Variants in C1orf141 observed in about 807,000 individuals in gnomAD.
C1orf141 encodes the protein uncharacterized protein C1orf141.
In C1orf141, 19 loss-of-function variants were observed where a neutral mutation model predicts 23.2. The observed-to-expected ratio is 0.82, with a 90% CI of 0.57 to 1.20. The LOEUF is 1.20. Among genes scored for constraint, C1orf141 ranks in the 50% most tolerant of loss-of-function variants. The probability of loss-of-function intolerance (pLI) is 0.00; values close to 1 mark genes in which losing one functional copy is unlikely to be tolerated. For missense variants in C1orf141, 469 were observed against 455.1 expected (o/e 1.03, Z -0.28); for synonymous variants, 153 against 154.6 (o/e 0.99, Z 0.08).
intron 4 of C1orf141, among the ~76,000 whole-genome samples, chr1:67,120,773 T>C (rs1457274629): frequency 2.0e-5 from 3 of 150,496 alleles, no homozygotes; most frequent in Admixed American, 6.7e-5. Context: ...CCACCCAGGG[T>C]ATGGTATTCT....
At chr1:67,126,647 G>A (rs772712727) in intron 3 of C1orf141, among the ~76,000 whole-genome samples, 3 of 152,150 alleles carry the variant, frequency 2.0e-5, no homozygotes, top group Admixed American at 6.5e-5. Context: ...AGGACAGATC[G>A]CTGAAAGAAG....
chr1:67,113,410 G>T (rs575861208), intron 5 of C1orf141, among the ~76,000 whole-genome samples: 1 of 151,896 alleles, frequency 6.6e-6, no homozygotes, highest in African/African-American at 2.4e-5. Context: ...TTGTTGCCCA[G>T]GCTAGAGTGC....
rs1277255668 is a variant in C1orf141, at chr1:67,119,818, CTG to C, written c.234-4356_234-4355del. ...ACTGTATGCAGCTGTTCAGCTATAACTGTGCACTATTTTTCAAGACAAGGGAA... is the reference window on the plus strand; with the variant it reads ...ACTGTATGCAGCTGTTCAGCTATAACTGCACTATTTTTCAAGACAAGGGAA... On this transcript the variant is annotated intron_variant, in intron 4 of 7. Coordinates refer to ENST00000684719, the MANE Select transcript of C1orf141 (RefSeq NM_001276351.2). 2.6e-5 allele frequency among the ~76,000 whole-genome samples: 4 copies of C among 152,364 alleles called. No homozygotes were observed. In the South Asian group the frequency reaches 8.3e-4, roughly 32 times the overall value.
chr1:67,130,957 A>T (rs1277527675), intron 2 of C1orf141, among the ~76,000 whole-genome samples, 185 bp downstream of exon 2: 1 of 152,200 alleles, frequency 6.6e-6, no homozygotes, highest in Admixed American at 6.5e-5. Flanking sequence ...GCTTGCTTTC[A>T]TCATTATATT....
At chr1:67,107,884 C>A (rs60968923) in intron 5 of C1orf141, among the ~76,000 whole-genome samples, 14,878 of 152,098 alleles carry the variant, frequency 0.098, 1,146 homozygotes, top group African/African-American at 0.21. Context: ...AAACTTCCTG[C>A]TAGTGTGGGT....
intron 5 of C1orf141, among the ~76,000 whole-genome samples, chr1:67,112,326 A>G (rs1646091342): frequency 6.6e-6 from 1 of 152,218 alleles, no homozygotes; most frequent in Non-Finnish European, 1.5e-5. Flanking sequence ...TATATGCCAG[A>G]CACTGATGGA....
chr1:67,100,281 T>C (rs1483611784), intron 5 of C1orf141, among the ~76,000 whole-genome samples: 1 of 152,190 alleles, frequency 6.6e-6, no homozygotes, highest in African/African-American at 2.4e-5. Context: ...TCTAATGTGG[T>C]CATATTTTTG....
Position 67,093,130 on chromosome 1 carries a change from G to T in C1orf141, c.1078C>A (p.Pro360Thr), listed in dbSNP as rs1255797165. 6.2e-7 allele frequency: 1 copy of T among 1,613,936 alleles called. No individual in the cohort carries two copies. The change falls in exon 8 of 8, where the codon CCC (proline) becomes ACC (threonine). Residue 360 changes from proline to threonine, a missense_variant. Coordinates refer to ENST00000684719, the MANE Select transcript of C1orf141 (RefSeq NM_001276351.2). ...TTGACAGGTAAGGCACTGGATGTGG[G>T]TATGCTCGTTGGTTTTCCTGCAGAA... Reference protein sequence around the residue: ...MFSAGKPTSIPTSSALPVKCY... With the variant: ...MFSAGKPTSITTSSALPVKCY...
chr1:67,113,798 T>C, intron 5 of C1orf141: 1 of 932,798 alleles, frequency 1.1e-6, no homozygotes, highest in Non-Finnish European at 1.5e-6. Flanking sequence ...AGATTTTTGC[T>C]ACCATTATGG....
At chr1:67,098,899 G>C (rs755673643) in intron 5 of C1orf141, among the ~76,000 whole-genome samples, 2 of 152,092 alleles carry the variant, frequency 1.3e-5, no homozygotes, top group Non-Finnish European at 2.9e-5. Context: ...CATGGACAAA[G>C]GGAGAATTAA....
At chr1:67,141,451 C>T (rs1473261154) in intron 1 of C1orf141, among the ~76,000 whole-genome samples, 3 of 151,882 alleles carry the variant, frequency 2.0e-5, no homozygotes, top group African/African-American at 4.8e-5. Flanking sequence ...TTTCTTTCCA[C>T]GGGGCACTCA....
At chr1:67,111,660 TA>T in intron 5 of C1orf141, 1 of 1,239,194 alleles carries the variant, frequency 8.1e-7, no homozygotes, top group Non-Finnish European at 1.1e-6. Context: ...GAAACAAACA[TA>T]AGTATTTCCA....
At chr1:67,103,030 A>G (rs1645839815) in intron 5 of C1orf141, among the ~76,000 whole-genome samples, 1 of 152,154 alleles carries the variant, frequency 6.6e-6, no homozygotes, top group Non-Finnish European at 1.5e-5. Flanking sequence ...TAATTTGGTT[A>G]ACTAAGTAAA....
chr1:67,098,533 T>C (rs936645177), intron 5 of C1orf141, among the ~76,000 whole-genome samples: 2 of 151,786 alleles, frequency 1.3e-5, no homozygotes, highest in Non-Finnish European at 2.9e-5. Context: ...AAAAATATTA[T>C]AATAAAAAAA....
chr1:67,123,988 T>A (rs368369202), intron 4 of C1orf141: 2 of 152,178 alleles, frequency 1.3e-5, no homozygotes, highest in East Asian at 3.9e-4. Flanking sequence ...ACCCAAAGCT[T>A]GCAGGCATCC....
chr1:67,104,746 TAAAG>T (rs912541794), intron 5 of C1orf141, among the ~76,000 whole-genome samples: 11 of 152,122 alleles, frequency 7.2e-5, no homozygotes, highest in African/African-American at 2.7e-4. Flanking sequence ...TCTGGAAAAA[TAAAG>T]AAGCTTACAA....
intron 4 of C1orf141, chr1:67,121,549 T>C (rs186000861): frequency 4.6e-5 from 7 of 152,328 alleles, no homozygotes; most frequent in African/African-American, 7.2e-5. Flanking sequence ...ATATAGTAGA[T>C]GTAAATAACT....
chr1:67,139,980 C>T (rs954038517), intron 1 of C1orf141, among the ~76,000 whole-genome samples: 10 of 152,096 alleles, frequency 6.6e-5, no homozygotes, highest in African/African-American at 1.9e-4. Context: ...GAAACCTAAG[C>T]GAGCAAGCAT....
At position 67,127,166 on chromosome 1, in the gene C1orf141, C is replaced by G. The variant is rs751871898; in HGVS notation, c.75G>C (p.Lys25Asn). 3.2e-5 allele frequency: 51 copies of G among 1,600,862 alleles called. No individual in the cohort carries two copies. The Middle Eastern group carries it at 3.6e-3, about 114-fold the overall frequency. ...QAEIILARRT[K>N]INRLQSEGRK... The stretch of plus-strand genomic sequence containing the variant: ...GAATTGTAGCTTATACGTCACAAAC[C>G]TTTGTTCTTCTGGCCAAGATTATCT... Residue 25 changes from lysine to asparagine, a missense_variant and splice_region_variant, in exon 3 of 8, where the codon AAG (lysine) becomes AAC (asparagine). Physicochemically the swap from Lys to Asn is moderately conservative, Grantham distance 94. Coordinates refer to ENST00000684719, the MANE Select transcript of C1orf141 (RefSeq NM_001276351.2).
Sources: gnomAD v4.1 joint callset for allele counts (sites outside exome capture counted in the v4.1 genomes callset) on GRCh38, gnomAD v4.1.1 for gene constraint, MANE v1.5 for transcripts, NCBI Gene and HGNC (gene_info 2026-07-23, HGNC 2026-07-21) for gene names.